The following THADA variants were observed in gnomAD, a reference collection of about 807,000 sequenced individuals.
The protein encoded by THADA is THADA armadillo repeat containing, also known as tRNA (32-2'-O)-methyltransferase regulator THADA.
THADA carries 213 observed loss-of-function variants against 219.8 expected under a neutral mutation model. The ratio of observed to expected loss-of-function variants is 0.97; its 90% confidence interval spans 0.87 to 1.09. The LOEUF is 1.09. Ranked by LOEUF, THADA falls within the 50% of genes least tolerant of loss-of-function variation. The pLI is 0.00. For synonymous variants in THADA, 1,018 were observed against 828.9 expected (o/e 1.23, Z -3.92); for missense variants, 2,956 against 2,311.3 (o/e 1.28, Z -5.72).
intron 29 of THADA, among the ~76,000 whole-genome samples, chr2:43,389,440 C>T (rs1405986373): frequency 3.3e-5 from 5 of 152,120 alleles, no homozygotes; most frequent in Middle Eastern, 3.2e-3. Context: ...TGCACCATAG[C>T]GATACCCTAG....
chr2:43,546,889 T>TA (rs1403277949), intron 20 of THADA, among the ~76,000 whole-genome samples: 1 of 152,194 alleles, frequency 6.6e-6, no homozygotes, highest in African/African-American at 2.4e-5. Flanking sequence ...TTAATATTGT[T>TA]ATGTGTGAAT....
intron 22 of THADA, among the ~76,000 whole-genome samples, chr2:43,515,114 T>C (rs1419891599): frequency 5.4e-5 from 1 of 18,670 alleles, no homozygotes; most frequent in Non-Finnish European, 9.2e-5. Context: ...ATATATTTTA[T>C]ATATAATATA....
chr2:43,514,785 TA>T (rs1691099486), intron 22 of THADA, among the ~76,000 whole-genome samples: 1 of 76,044 alleles, frequency 1.3e-5, no homozygotes, highest in Non-Finnish European at 2.2e-5. Flanking sequence ...ATTTTATATA[TA>T]ATAATATGTA....
chr2:43,369,224 C>G (rs1418280502), intron 29 of THADA, among the ~76,000 whole-genome samples: 2 of 152,210 alleles, frequency 1.3e-5, no homozygotes, highest in East Asian at 1.9e-4. Flanking sequence ...GTCTGCCAAG[C>G]TAATACCATG....
Position 43,574,785 on chromosome 2 carries a change from T to C in THADA, c.1280A>G (p.Glu427Gly), listed in dbSNP as rs1559003395. The change falls in exon 11 of 38, where the codon GAA (glutamate) becomes GGA (glycine). Residue 427 changes from glutamate to glycine, a missense_variant. By Grantham distance (98) the Glu-to-Gly change is moderately conservative. Transcript: ENST00000405975. ...NLLQMHRLTV[E>G]GADFVPDPFF... Reference sequence around the variant, plus strand: ...AGGATCAGGGACGAAATCTGCACCTTCCACAGTGAGCCGGTGCATTTGGAG... The same window carrying C: ...AGGATCAGGGACGAAATCTGCACCTCCCACAGTGAGCCGGTGCATTTGGAG... The C allele has an allele frequency of 1.2e-6, 2 of 1,613,880 alleles. No individual in the cohort carries two copies. The highest frequency in any genetic ancestry group is 2.7e-5 in the African/African-American group (2 of 74,918).
rs1247325644 is a variant in THADA at position 43,590,863 on chromosome 2, G to A, written c.263C>T (p.Ser88Phe). Reference protein sequence around the residue: ...CLDILAGIYLSLSLKNPLKKV... With the variant: ...CLDILAGIYLFLSLKNPLKKV... Reference sequence around the variant, plus strand: ...CTTCAAGGGATTCTTTAGACTCAAAGAAAGATAAATGCCTGCTAAGATATC... The same window carrying A: ...CTTCAAGGGATTCTTTAGACTCAAAAAAAGATAAATGCCTGCTAAGATATC... The change falls in exon 4 of 38, where the codon TCT becomes TTT. Residue 88 changes from serine to phenylalanine, a missense_variant. By Grantham distance (155) the Ser-to-Phe change is radical. Transcript: ENST00000405975. 1.9e-6 allele frequency: 3 copies of A among 1,613,690 alleles called. No individual in the cohort carries two copies. The highest frequency in any genetic ancestry group is 1.7e-5 in the Admixed American group (1 of 59,994).
intron 15 of THADA, chr2:43,566,133 A>T (rs577082457): frequency 7.7e-6 from 2 of 261,220 alleles, no homozygotes; most frequent in Non-Finnish European, 1.4e-5. Flanking sequence ...GGAAAAAATG[A>T]AACAAAAAAA....
At chr2:43,352,647 G>T (rs1376968573) in intron 29 of THADA, among the ~76,000 whole-genome samples, 2 of 151,864 alleles carry the variant, frequency 1.3e-5, no homozygotes, top group Non-Finnish European at 2.9e-5. Context: ...GTATATTTAA[G>T]GTATAGAACA....
chr2:43,507,814 T>C (rs1460985490), intron 23 of THADA, among the ~76,000 whole-genome samples: 1 of 152,202 alleles, frequency 6.6e-6, no homozygotes, highest in Non-Finnish European at 1.5e-5. Context: ...GTTTTTATTC[T>C]TTGGGTTCAT....
At chr2:43,263,496 T>G (rs910048052) in intron 36 of THADA, among the ~76,000 whole-genome samples, 1 of 152,132 alleles carries the variant, frequency 6.6e-6, no homozygotes, top group Non-Finnish European at 1.5e-5. Context: ...TTGGGATGTA[T>G]CCGAGGTATA....
chr2:43,343,532 A>G (rs1203079870), intron 30 of THADA: 1 of 152,504 alleles, frequency 6.6e-6, no homozygotes, highest in Non-Finnish European at 1.5e-5. Flanking sequence ...GACTCCCTGT[A>G]TATTACATGA....
At chr2:43,417,661 T>C (rs1323391042) in intron 28 of THADA, among the ~76,000 whole-genome samples, 1 of 152,220 alleles carries the variant, frequency 6.6e-6, no homozygotes, top group Non-Finnish European at 1.5e-5. Context: ...TGCTGAGAAC[T>C]ACCCTGTCAT....
At chr2:43,307,493 A>G (rs1676998476) in intron 31 of THADA, among the ~76,000 whole-genome samples, 2 of 152,262 alleles carry the variant, frequency 1.3e-5, no homozygotes, top group African/African-American at 4.8e-5. Flanking sequence ...GAGCTGGACA[A>G]TTCCTGGAAC....
intron 26 of THADA, among the ~76,000 whole-genome samples, chr2:43,481,749 T>C (rs1477120043): frequency 1.3e-5 from 2 of 152,204 alleles, no homozygotes; most frequent in East Asian, 3.9e-4. Context: ...GAGTTCATGA[T>C]AAGTGCTTTC....
At chr2:43,416,497 G>C (rs560178317) in intron 28 of THADA, among the ~76,000 whole-genome samples, 1 of 152,234 alleles carries the variant, frequency 6.6e-6, no homozygotes, top group East Asian at 1.9e-4. Flanking sequence ...AATGTTTCTT[G>C]GTTTTGTGAT....
rs759927171 is a variant in THADA, at chr2:43,592,366, C to A, written c.27G>T (p.Met9Ile). Reference protein sequence around the residue: MGVKKKKEMQVAALTICHQ... With the variant: MGVKKKKEIQVAALTICHQ... ...GGCAAATGGTCAGCGCAGCAACTTG[C>A]ATTTCTTTCTTCTTCTTTACACCCA... The change falls in exon 2 of 38, where the codon ATG becomes ATT. Residue 9 changes from methionine (M) to isoleucine (I), a missense_variant. By Grantham distance (10) the Met-to-Ile change is conservative (BLOSUM62 1). Transcript: ENST00000405975. 6.2e-7 allele frequency: 1 copy of A among 1,607,284 alleles called. No individual in the cohort carries two copies. The highest frequency in any genetic ancestry group is 1.7e-5 in the Admixed American group (1 of 59,004).
intron 22 of THADA, 143 bp from the exon 23 acceptor site, chr2:43,508,923 C>T (rs1250839442): frequency 1.5e-5 from 11 of 746,354 alleles, no homozygotes; most frequent in African/African-American, 3.6e-5. Context: ...TCATACTTTT[C>T]ACCTACTTTC....
chr2:43,571,287 T>C (rs1344025285), intron 13 of THADA, among the ~76,000 whole-genome samples: 5 of 149,096 alleles, frequency 3.4e-5, no homozygotes, highest in African/African-American at 5.0e-5. Context: ...AGTCTCACTC[T>C]GTTGCCCAGG....
chr2:43,568,896 A>G (rs917197522), intron 14 of THADA, among the ~76,000 whole-genome samples: 1 of 152,072 alleles, frequency 6.6e-6, no homozygotes, highest in Non-Finnish European at 1.5e-5. Context: ...TTAATTAATT[A>G]AAAAAAATTT....
Sources: allele counts gnomAD v4.1 joint callset (sites outside exome capture counted in the v4.1 genomes callset), GRCh38; gene constraint gnomAD v4.1.1; transcripts MANE v1.5; gene names NCBI Gene and HGNC (gene_info 2026-07-23, HGNC 2026-07-21).